The following AREL1 variants were observed in gnomAD, a reference collection of about 807,000 sequenced individuals.
AREL1 encodes the protein apoptosis-resistant E3 ubiquitin protein ligase 1.
AREL1 carries 62 observed loss-of-function variants against 99.0 expected under a neutral mutation model. The observed-to-expected ratio is 0.63, with a 90% CI of 0.51 to 0.77. The LOEUF is 0.77. Among genes scored for constraint, AREL1 ranks in the 30% least tolerant of loss-of-function variants. The probability of loss-of-function intolerance (pLI) is 0.00; values close to 1 mark genes in which losing one functional copy is unlikely to be tolerated. For synonymous variants in AREL1, 380 were observed against 376.5 expected (o/e 1.01, Z -0.11); for missense variants, 879 against 1,027.6 (o/e 0.86, Z 1.98).
chr14:74,673,367 T>C, intron 9 of AREL1, 149 bp from the exon 10 acceptor site: 1 of 807,250 alleles, frequency 1.2e-6, no homozygotes, highest in East Asian at 2.7e-5. Context: ...TTCATTATTT[T>C]TCCCTTCAGT....
Position 74,680,228 on chromosome 14 carries a change from G to T in AREL1, c.481+3068C>A, listed in dbSNP as rs956255374. Among the ~76,000 whole-genome samples the T allele has an allele frequency of 6.6e-5, 10 of 151,394 alleles. No homozygotes were observed. In the East Asian group the frequency reaches 9.7e-4, roughly 15 times the overall value. On this transcript the variant is annotated intron_variant, in intron 5 of 19. Coordinates refer to ENST00000356357, the MANE Select transcript of AREL1 (RefSeq NM_001039479.2). ...AAAGAAAAGAAAAGAGAAAAGAAAA[G>T]AAAAGAAAATGGACAAAAGACACGA...
intron 13 of AREL1, 177 bp downstream of exon 13, chr14:74,670,585 T>C: frequency 1.7e-6 from 1 of 572,908 alleles, no homozygotes; most frequent in Non-Finnish European, 3.0e-6. Context: ...ATTTTACAGA[T>C]GAAATAATAA....
At chr14:74,689,064 T>C (rs1398746276) in intron 2 of AREL1, among the ~76,000 whole-genome samples, 1 of 151,728 alleles carries the variant, frequency 6.6e-6, no homozygotes, top group African/African-American at 2.4e-5. Context: ...GCCAGGCTGC[T>C]CTTGAACTCC....
intron 17 of AREL1, 80 bp downstream of exon 17, chr14:74,667,239 A>C: frequency 6.5e-7 from 1 of 1,549,542 alleles, no homozygotes; most frequent in Non-Finnish European, 8.9e-7. Context: ...GCATCTCATA[A>C]GAGAAGGTAC....
At chr14:74,697,525 C>T (rs1443997871) in intron 1 of AREL1, among the ~76,000 whole-genome samples, 1 of 152,110 alleles carries the variant, frequency 6.6e-6, no homozygotes, top group Non-Finnish European at 1.5e-5. Context: ...ACCCAAAATC[C>T]CACCATAAAA....
chr14:74,673,279 A>G (rs1379324331), intron 9 of AREL1, 61 bp from the exon 10 acceptor site: 1 of 1,570,564 alleles, frequency 6.4e-7, no homozygotes, highest in East Asian at 2.2e-5. Flanking sequence ...AAAGTCCTCC[A>G]CAGCTCTATC....
At chr14:74,679,428 G>T (rs1244890427) in intron 5 of AREL1, among the ~76,000 whole-genome samples, 1 of 152,052 alleles carries the variant, frequency 6.6e-6, no homozygotes, top group Non-Finnish European at 1.5e-5. Context: ...TCTCCAAAAA[G>T]AAATAAAGAA....
chr14:74,704,070 A>G (rs1268086797), intron 1 of AREL1, among the ~76,000 whole-genome samples: 3 of 152,136 alleles, frequency 2.0e-5, no homozygotes, highest in African/African-American at 7.2e-5. Context: ...GCATTTCCCT[A>G]AGGACTAACA....
At chr14:74,688,609 T>G (rs1179154008) in intron 2 of AREL1, among the ~76,000 whole-genome samples, 1 of 152,170 alleles carries the variant, frequency 6.6e-6, no homozygotes, top group Non-Finnish European at 1.5e-5. Context: ...TCTTGAAACC[T>G]CCTCATGACC....
In AREL1 at chr14:74,662,740, C is replaced by A. The variant is rs1422648024; in HGVS notation, c.*980G>T. 7.6e-6 allele frequency: 3 copies of A among 397,276 alleles called. No individual in the cohort carries two copies. Among genetic ancestry groups the A allele is most frequent in the Admixed American group, 8.8e-5 (2 of 22,674 alleles). 24.6% of individuals were successfully genotyped at this position (397,276 alleles called of 1,614,324 possible). Reference sequence around the variant, plus strand: ...TTTGTCTTAGTGCTGCCAGAGAACACCAAGCAGAGAGAGAATCAGGGATTG... The same window carrying A: ...TTTGTCTTAGTGCTGCCAGAGAACAACAAGCAGAGAGAGAATCAGGGATTG... On this transcript the variant is annotated 3_prime_UTR_variant, in exon 20 of 20. Coordinates refer to ENST00000356357, the MANE Select transcript of AREL1 (RefSeq NM_001039479.2).
At chr14:74,666,535 T>C (rs1169712650) in intron 17 of AREL1, among the ~76,000 whole-genome samples, 1 of 152,206 alleles carries the variant, frequency 6.6e-6, no homozygotes, top group Non-Finnish European at 1.5e-5. Flanking sequence ...TCTTTTGGTT[T>C]GTTTCCTTCA....
At chr14:74,679,380 C>T (rs899857586) in intron 5 of AREL1, among the ~76,000 whole-genome samples, 1 of 152,090 alleles carries the variant, frequency 6.6e-6, no homozygotes, top group South Asian at 2.1e-4. Context: ...CATGACTATG[C>T]TACTGCACGC....
At chr14:74,677,432 G>T (rs1274435913) in intron 5 of AREL1, among the ~76,000 whole-genome samples, 1 of 151,524 alleles carries the variant, frequency 6.6e-6, no homozygotes, top group Non-Finnish European at 1.5e-5. Context: ...GGAGGTAAAG[G>T]CTACAGTGAG....
At chr14:74,702,410 C>T (rs1427270023) in intron 1 of AREL1, among the ~76,000 whole-genome samples, 1 of 152,230 alleles carries the variant, frequency 6.6e-6, no homozygotes, top group Non-Finnish European at 1.5e-5. Context: ...GGGCTTGCAC[C>T]TTCTGAAGCG....
chr14:74,664,737 G>C lies in AREL1; in HGVS notation c.2193+99C>G, dbSNP rs2089173425. The stretch of plus-strand genomic sequence containing the variant: ...GCCTCCCAAAGTGCTGGGATTACAG[G>C]CATGAGCCACTGCGCCCGGCCTCCT... On this transcript the variant is annotated intron_variant, in intron 18 of 19. Coordinates refer to ENST00000356357, the MANE Select transcript of AREL1 (RefSeq NM_001039479.2). 4 of 929,218 alleles carry C rather than the reference G, an allele frequency of 4.3e-6. No individual in the cohort carries two copies. The Admixed American group carries it at 8.4e-5, about 19-fold the overall frequency. The allele number at this position is 929,218 out of a possible 1,614,324, so 57.6% of individuals were successfully genotyped here.
rs893843771 is a variant in AREL1, at chr14:74,661,884, G to A, written c.*1836C>T. 6.6e-6 allele frequency: 1 copy of A among 152,506 alleles called. No homozygotes were observed. Among genetic ancestry groups the A allele is most frequent in the African/African-American group, 2.4e-5 (1 of 41,436 alleles). The allele number at this position is 152,506 out of a possible 1,614,324, so 9.4% of individuals were successfully genotyped here. Reference sequence around the variant, plus strand: ...ATCAGTCTCTGGAAGGCTGCCGGAGGGGAGAATTCAGAAAAGCGACTGCCA... The same window carrying A: ...ATCAGTCTCTGGAAGGCTGCCGGAGAGGAGAATTCAGAAAAGCGACTGCCA... On this transcript the variant is annotated 3_prime_UTR_variant, in exon 20 of 20. Coordinates refer to ENST00000356357, the MANE Select transcript of AREL1 (RefSeq NM_001039479.2).
chr14:74,678,679 T>A (rs1594763526), intron 5 of AREL1, among the ~76,000 whole-genome samples: 8 of 90,504 alleles, frequency 8.8e-5, no homozygotes, highest in African/African-American at 1.8e-4. Context: ...GATGCTGGAG[T>A]AAAGACATGT....
At chr14:74,664,112 A>G in intron 18 of AREL1, 38 bp from the exon 19 acceptor site, 6 of 1,593,916 alleles carry the variant, frequency 3.8e-6, no homozygotes, top group Non-Finnish European at 4.3e-6. Context: ...CACACACAGT[A>G]AACAAGCTAG....
At chr14:74,694,748 GGGA>G (rs201922193) in intron 1 of AREL1, among the ~76,000 whole-genome samples, 4,439 of 152,114 alleles carry the variant, frequency 0.029, 141 homozygotes, top group African/African-American at 0.079. Context: ...CCAGCACTTT[GGGA>G]GGCTGAAGCG....
Sources: gnomAD v4.1 joint callset for allele counts (sites outside exome capture counted in the v4.1 genomes callset) on GRCh38, gnomAD v4.1.1 for gene constraint, MANE v1.5 for transcripts, NCBI Gene and HGNC (gene_info 2026-07-23, HGNC 2026-07-21) for gene names.